Variants in TMEM132C observed in about 807,000 individuals in gnomAD.
TMEM132C encodes protein phosphatase 1, regulatory subunit 152.
TMEM132C carries 29 observed loss-of-function variants against 61.4 expected under a neutral mutation model. The observed-to-expected ratio is 0.47, with a 90% CI of 0.35 to 0.64. The LOEUF (loss-of-function observed/expected upper bound fraction) is 0.64. Among genes scored for constraint, TMEM132C ranks in the 30% least tolerant of loss-of-function variants. TMEM132C has a pLI of 0.00. For synonymous variants in TMEM132C, 656 were observed against 633.1 expected, an observed-to-expected ratio of 1.04 and a Z score of -0.54; for missense variants, 1,408 against 1,476.9, an observed-to-expected ratio of 0.95 and a Z score of 0.76.
chr12:128,293,065 T>G (rs11059631), intron 1 of TMEM132C, among the ~76,000 whole-genome samples: 34,859 of 151,778 alleles, frequency 0.23, 4,523 homozygotes, highest in East Asian at 0.5. Flanking sequence ...AAGATAATAG[T>G]TCAGCTTTTT....
intron 4 of TMEM132C, among the ~76,000 whole-genome samples, chr12:128,632,547 G>A (rs942878813): frequency 5.3e-5 from 8 of 152,162 alleles, no homozygotes; most frequent in African/African-American, 1.9e-4. Flanking sequence ...TGGTAAAATT[G>A]TGCGCTTAAA....
intron 2 of TMEM132C, among the ~76,000 whole-genome samples, chr12:128,486,760 T>G (rs147863825): frequency 1.5e-3 from 231 of 152,242 alleles, no homozygotes; most frequent in African/African-American, 5.3e-3. Context: ...GACCATTATA[T>G]CTCATTGCCA....
chr12:128,301,891 A>G (rs1314967031), intron 1 of TMEM132C, among the ~76,000 whole-genome samples: 2 of 152,236 alleles, frequency 1.3e-5, no homozygotes, highest in African/African-American at 4.8e-5. Context: ...GGCAAAAGGC[A>G]CATCTTACAT....
chr12:128,330,285 A>G (rs1204675114), intron 1 of TMEM132C, among the ~76,000 whole-genome samples: 1 of 152,220 alleles, frequency 6.6e-6, no homozygotes. Context: ...CATGGCCAAC[A>G]ATTTGATTGA....
chr12:128,321,545 G>C (rs999518520), intron 1 of TMEM132C, among the ~76,000 whole-genome samples: 2 of 151,756 alleles, frequency 1.3e-5, no homozygotes, highest in African/African-American at 2.4e-5. Context: ...TGTGTAGATA[G>C]AAATCTCTGT....
chr12:128,604,884 TAGA>T (rs1876363292), intron 3 of TMEM132C, among the ~76,000 whole-genome samples: 1 of 150,918 alleles, frequency 6.6e-6, no homozygotes, highest in African/African-American at 2.5e-5. Flanking sequence ...AGATGGATGA[TAGA>T]TGATGGATGG....
At chr12:128,459,884 C>CAGA (rs374430535) in intron 2 of TMEM132C, among the ~76,000 whole-genome samples, 12 of 82,184 alleles carry the variant, frequency 1.5e-4, no homozygotes, top group African/African-American at 6.1e-4. Context: ...GACTCTGTCT[C>CAGA]AAAAAAAAAA....
chr12:128,267,808 G>A (rs572183064), intron 1 of TMEM132C, among the ~76,000 whole-genome samples: 1 of 152,252 alleles, frequency 6.6e-6, no homozygotes, highest in Non-Finnish European at 1.5e-5. Context: ...CCTGAGTTCC[G>A]TGCGGACCTG....
chr12:128,624,357 A>C (rs1306191036), intron 4 of TMEM132C, among the ~76,000 whole-genome samples: 1 of 152,058 alleles, frequency 6.6e-6, no homozygotes, highest in African/African-American at 2.4e-5. Flanking sequence ...CACCCTGGCC[A>C]AGATAGCGAA....
chr12:128,400,486 G>A (rs1568250), intron 1 of TMEM132C, among the ~76,000 whole-genome samples: 9,317 of 152,214 alleles, frequency 0.061, 972 homozygotes, highest in African/African-American at 0.21. Flanking sequence ...GATCTTTGGG[G>A]CTGGATAATT....
chr12:128,327,127 G>A (rs751615058), intron 1 of TMEM132C, among the ~76,000 whole-genome samples: 1 of 149,826 alleles, frequency 6.7e-6, no homozygotes, highest in Non-Finnish European at 1.5e-5. Context: ...GATTTTAATG[G>A]GGCAGGCAGC....
At chr12:128,525,365 T>G (rs999428058) in intron 2 of TMEM132C, among the ~76,000 whole-genome samples, 1 of 151,142 alleles carries the variant, frequency 6.6e-6, no homozygotes, top group Non-Finnish European at 1.5e-5. Flanking sequence ...TCTCTCTCCC[T>G]CCTTTGAATG....
intron 2 of TMEM132C, among the ~76,000 whole-genome samples, chr12:128,449,156 A>AAAAAG (rs1414575763): frequency 6.8e-6 from 1 of 147,196 alleles, no homozygotes; most frequent in Admixed American, 6.8e-5. Flanking sequence ...AAAAAAAAAA[A>AAAAAG]AAAAGAAATT....
chr12:128,375,355 AAATCT>A (rs1874161123), intron 1 of TMEM132C, among the ~76,000 whole-genome samples: 1 of 152,138 alleles, frequency 6.6e-6, no homozygotes, highest in South Asian at 2.1e-4. Flanking sequence ...TGGAGGCCAG[AAATCT>A]GAAATCCAGG....
At chr12:128,577,463 C>G (rs1875154958) in intron 3 of TMEM132C, among the ~76,000 whole-genome samples, 1 of 152,202 alleles carries the variant, frequency 6.6e-6, no homozygotes, top group Admixed American at 6.5e-5. Flanking sequence ...AAACCTTCCC[C>G]AAGCCCCGGT....
At chr12:128,519,516 C>T (rs757190125) in intron 2 of TMEM132C, among the ~76,000 whole-genome samples, 1 of 152,104 alleles carries the variant, frequency 6.6e-6, no homozygotes, top group Admixed American at 6.5e-5. Context: ...TGTGTCCAGG[C>T]TAAAGGAAAA....
chr12:128,654,293 C>T (rs1025613837), intron 4 of TMEM132C, among the ~76,000 whole-genome samples: 11 of 152,042 alleles, frequency 7.2e-5, no homozygotes, highest in Admixed American at 2.6e-4. Context: ...GAGATTGCAG[C>T]GTCACATACA....
chr12:128,425,323 C>G (rs1449002980), intron 2 of TMEM132C, among the ~76,000 whole-genome samples: 2 of 152,258 alleles, frequency 1.3e-5, no homozygotes, highest in Non-Finnish European at 2.9e-5. Flanking sequence ...GTGAATGGCA[C>G]TCACACATGT....
intron 2 of TMEM132C, among the ~76,000 whole-genome samples, chr12:128,479,279 G>T (rs935663399): frequency 6.6e-6 from 1 of 152,142 alleles, no homozygotes; most frequent in African/African-American, 2.4e-5. Flanking sequence ...ATACCTGGGT[G>T]ATGAAATATT....
Sources: gnomAD v4.1 joint callset for allele counts (sites outside exome capture counted in the v4.1 genomes callset) on GRCh38, gnomAD v4.1.1 for gene constraint, MANE v1.5 for transcripts, NCBI Gene and HGNC (gene_info 2026-07-23, HGNC 2026-07-21) for gene names.